C1orf146: variants seen among roughly 807,000 people sequenced by gnomAD.
C1orf146 encodes protein SPO16 homolog.
C1orf146 carries 22 observed loss-of-function variants against 23.0 expected under a neutral mutation model. The observed-to-expected ratio is 0.96, with a 90% confidence interval of 0.68 to 1.36. The LOEUF (loss-of-function observed/expected upper bound fraction) is 1.36, where lower values mean the gene tolerates loss of function less well. Among genes scored for constraint, C1orf146 ranks in the 40% most tolerant of loss-of-function variants. C1orf146 has a pLI of 0.00. For missense variants in C1orf146, 199 were observed against 206.8 expected (o/e 0.96, Z 0.23); for synonymous variants, 59 against 65.3 (o/e 0.90, Z 0.47).
intron 1 of C1orf146, among the ~76,000 whole-genome samples, chr1:92,224,096 G>A (rs2100728334): frequency 6.6e-6 from 1 of 150,804 alleles, no homozygotes; most frequent in African/African-American, 2.4e-5. Flanking sequence ...TGTCGCCCAG[G>A]CTGGAGTGCA....
intron 1 of C1orf146, among the ~76,000 whole-genome samples, chr1:92,221,284 TAC>T (rs1238843871): frequency 6.6e-6 from 1 of 151,898 alleles, no homozygotes; most frequent in African/African-American, 2.4e-5. Flanking sequence ...AACCATTGAG[TAC>T]ATATGGACAT....
intron 2 of C1orf146, among the ~76,000 whole-genome samples, chr1:92,238,972 C>T (rs1411360119): frequency 2.0e-5 from 3 of 152,046 alleles, no homozygotes; most frequent in African/African-American, 4.8e-5. Flanking sequence ...TTGCCCAGGC[C>T]AGTCTTGAAC....
At chr1:92,240,207 A>C (rs1017180162) in intron 2 of C1orf146, among the ~76,000 whole-genome samples, 1 of 152,200 alleles carries the variant, frequency 6.6e-6, no homozygotes, top group African/African-American at 2.4e-5. Context: ...ATTTTCGTCA[A>C]AAGATCTGTT....
intron 2 of C1orf146, among the ~76,000 whole-genome samples, chr1:92,236,813 T>C (rs530067924): frequency 1.3e-5 from 2 of 152,292 alleles, no homozygotes; most frequent in East Asian, 1.9e-4. Context: ...CGTTTCTTTT[T>C]ATTCTTTTTT....
chr1:92,235,288 C>G (rs964148390), intron 2 of C1orf146, among the ~76,000 whole-genome samples: 41 of 152,102 alleles, frequency 2.7e-4, no homozygotes, highest in African/African-American at 9.4e-4. Context: ...TGAATGTGTC[C>G]CAGAGATTCT....
intron 3 of C1orf146, among the ~76,000 whole-genome samples, 189 bp downstream of exon 3, chr1:92,242,494 T>G (rs1652456241): frequency 6.6e-6 from 1 of 152,198 alleles, no homozygotes; most frequent in Admixed American, 6.5e-5. Context: ...ATTACAATTG[T>G]TAAAATAAAG....
At chr1:92,220,670 G>A (rs975592164) in intron 1 of C1orf146, among the ~76,000 whole-genome samples, 1 of 152,182 alleles carries the variant, frequency 6.6e-6, no homozygotes, top group African/African-American at 2.4e-5. Context: ...ATGCATGACT[G>A]TATCTATAAA....
chr1:92,245,009 ACT>A, intron 5 of C1orf146, 152 bp downstream of exon 5: 1 of 535,084 alleles, frequency 1.9e-6, no homozygotes, highest in South Asian at 3.0e-5. Context: ...CCCAAGCCTA[ACT>A]CTCTTAAGTC....
intron 1 of C1orf146, among the ~76,000 whole-genome samples, chr1:92,225,543 A>G (rs1037063141): frequency 6.6e-6 from 1 of 152,156 alleles, no homozygotes; most frequent in East Asian, 1.9e-4. Flanking sequence ...TCTTTGATCT[A>G]TGGGTTACTT....
intron 2 of C1orf146, among the ~76,000 whole-genome samples, chr1:92,237,601 C>G (rs557063549): frequency 6.6e-5 from 10 of 152,294 alleles, no homozygotes; most frequent in Non-Finnish European, 1.5e-4. Context: ...TCTCCAGCTG[C>G]GTGCTGGGAG....
chr1:92,238,273 C>G (rs1652345620), intron 2 of C1orf146, among the ~76,000 whole-genome samples: 1 of 152,174 alleles, frequency 6.6e-6, no homozygotes, highest in African/African-American at 2.4e-5. Flanking sequence ...ATAGATGTTA[C>G]ATATGCAGGA....
intron 1 of C1orf146, among the ~76,000 whole-genome samples, chr1:92,231,016 G>A (rs775404827): frequency 1.3e-5 from 2 of 152,142 alleles, no homozygotes; most frequent in Non-Finnish European, 2.9e-5. Flanking sequence ...TACTGCTATT[G>A]CTCTGAGTGA....
chr1:92,222,172 C>T (rs1360900447), intron 1 of C1orf146, among the ~76,000 whole-genome samples: 6 of 152,092 alleles, frequency 3.9e-5, no homozygotes, highest in East Asian at 1.9e-4. Flanking sequence ...ACCTGGGTGG[C>T]GGAGGCTGCT....
chr1:92,244,998 T>C (rs1652554164), intron 5 of C1orf146, 141 bp downstream of exon 5: 2 of 545,230 alleles, frequency 3.7e-6, no homozygotes, highest in African/African-American at 1.9e-5. Flanking sequence ...TGCAACTTTT[T>C]CCCAAGCCTA....
intron 3 of C1orf146, among the ~76,000 whole-genome samples, chr1:92,243,456 C>T (rs181502042): frequency 2.0e-5 from 3 of 152,164 alleles, no homozygotes; most frequent in African/African-American, 7.2e-5. Flanking sequence ...ACACCATTCT[C>T]CTGCCTCAGC....
chr1:92,226,120 T>A (rs1205985828), intron 1 of C1orf146, among the ~76,000 whole-genome samples: 2 of 152,236 alleles, frequency 1.3e-5, no homozygotes, highest in Non-Finnish European at 2.9e-5. Flanking sequence ...CTATTAAGTC[T>A]GCCATTTTGC....
At chr1:92,238,782 A>G (rs901277488) in intron 2 of C1orf146, among the ~76,000 whole-genome samples, 7 of 152,170 alleles carry the variant, frequency 4.6e-5, no homozygotes, top group African/African-American at 1.7e-4. Flanking sequence ...CACTCACCAT[A>G]TAAGAACCAT....
intron 1 of C1orf146, among the ~76,000 whole-genome samples, chr1:92,221,409 AT>A (rs1172754997): frequency 6.6e-6 from 1 of 152,200 alleles, no homozygotes; most frequent in African/African-American, 2.4e-5. Context: ...TTACAGGATC[AT>A]TTGTACCACA....
intron 2 of C1orf146, among the ~76,000 whole-genome samples, 195 bp from the exon 3 acceptor site, chr1:92,242,017 A>AC (rs1367091533): frequency 6.6e-6 from 1 of 152,216 alleles, no homozygotes; most frequent in Non-Finnish European, 1.5e-5. Context: ...ACTTGAAATA[A>AC]ATGTTTCAGT....
Sources: allele counts gnomAD v4.1 joint callset (sites outside exome capture counted in the v4.1 genomes callset), GRCh38; gene constraint gnomAD v4.1.1; transcripts MANE v1.5; gene names NCBI Gene and HGNC (gene_info 2026-07-23, HGNC 2026-07-21).